The following LNPK variants were observed in gnomAD, a reference collection of about 807,000 sequenced individuals.
The protein encoded by LNPK is lunapark, ER junction formation factor.
A neutral mutation model predicts 55.2 loss-of-function variants in LNPK; 29 were observed. The ratio of observed to expected loss-of-function variants is 0.53; its 90% CI spans 0.39 to 0.72. LNPK has a LOEUF of 0.72. Among genes scored for constraint, LNPK ranks in the 30% least tolerant of loss-of-function variants. LNPK has a pLI of 0.00. For missense variants in LNPK, 467 were observed against 494.8 expected (o/e 0.94, Z 0.53); for synonymous variants, 162 against 168.2 (o/e 0.96, Z 0.29).
At chr2:175,945,087 C>T (rs1185888148) in intron 9 of LNPK, among the ~76,000 whole-genome samples, 4 of 151,624 alleles carry the variant, frequency 2.6e-5, no homozygotes, top group Non-Finnish European at 4.4e-5. Context: ...TTAGTAGAGA[C>T]GAGGTTTCAC....
At position 175,938,098 on chromosome 2, in the gene LNPK, G is replaced by C. The variant is rs191272064; in HGVS notation, c.883+215C>G. On this transcript the variant is annotated intron_variant, in intron 11 of 12. Coordinates refer to ENST00000272748, the MANE Select transcript of LNPK (RefSeq NM_030650.3). Reference sequence around the variant, plus strand: ...CTTTGGGTGATTGTGATGCACAGTGGGGTTTGAGAACAACTGGCCTAGGGG... The same window carrying C: ...CTTTGGGTGATTGTGATGCACAGTGCGGTTTGAGAACAACTGGCCTAGGGG... Among the ~76,000 whole-genome samples the C allele has an allele frequency of 5.7e-3, 860 of 152,126 alleles. 9 individuals are homozygous for C. Among genetic ancestry groups the C allele is most frequent in the African/African-American group, 0.019 (809 of 41,522 alleles).
At chr2:175,947,750 CACAA>C (rs1393266452) in intron 8 of LNPK, 58 bp from the exon 9 acceptor site, 2 of 1,197,872 alleles carry the variant, frequency 1.7e-6, no homozygotes, top group Non-Finnish European at 2.3e-6. Context: ...TAGCCAGTAT[CACAA>C]ACAATTTATA....
At position 175,992,336 on chromosome 2, in the gene LNPK, G is replaced by A. The variant is rs1436632461; in HGVS notation, c.152C>T (p.Ser51Leu). ...TAAGCATGTAAACAGATAGAGAACT[G>A]AGGAATACAGAATTAATCTTCCAAC... The part of the protein sequence containing the change: ...LWVGRLILYS[S>L]VLYLFTCLIV... Residue 51 changes from serine (S) to leucine (L), a missense_variant, in exon 4 of 13, where the codon TCA (serine) becomes TTA (leucine). Coordinates refer to ENST00000272748, the MANE Select transcript of LNPK (RefSeq NM_030650.3). The A allele has an allele frequency of 6.4e-7, 1 of 1,554,070 alleles. No homozygotes were observed. The highest frequency in any genetic ancestry group is 2.5e-5 in the East Asian group (1 of 39,694).
At chr2:175,983,756 A>C (rs1687283543) in intron 4 of LNPK, among the ~76,000 whole-genome samples, 1 of 152,108 alleles carries the variant, frequency 6.6e-6, no homozygotes, top group South Asian at 2.1e-4. Flanking sequence ...CAATGGTTAA[A>C]CTTTTTTTAA....
intron 5 of LNPK, among the ~76,000 whole-genome samples, chr2:175,972,043 C>T (rs1416317560): frequency 1.3e-5 from 2 of 152,040 alleles, no homozygotes; most frequent in African/African-American, 4.8e-5. Context: ...CTCAGTCTCC[C>T]AAGCTGGAAT....
intron 8 of LNPK, among the ~76,000 whole-genome samples, chr2:175,956,389 C>T (rs1040867953): frequency 2.6e-5 from 4 of 151,834 alleles, no homozygotes; most frequent in Non-Finnish European, 5.9e-5. Flanking sequence ...TATAACTTTG[C>T]AACCAGAAAT....
intron 5 of LNPK, among the ~76,000 whole-genome samples, chr2:175,974,699 TAAAAC>T (rs1686822502): frequency 6.6e-6 from 1 of 151,992 alleles, no homozygotes; most frequent in Non-Finnish European, 1.5e-5. Context: ...GTCCAACTTG[TAAAAC>T]AAAACAAGTA....
intron 9 of LNPK, among the ~76,000 whole-genome samples, chr2:175,943,367 G>C (rs78899073): frequency 1.5e-3 from 222 of 151,876 alleles, no homozygotes; most frequent in African/African-American, 4.9e-3. Flanking sequence ...GAATTGAATA[G>C]GGAATACTTA....
chr2:175,962,305 AC>A (rs772904738), intron 8 of LNPK, among the ~76,000 whole-genome samples: 3 of 152,196 alleles, frequency 2.0e-5, no homozygotes, highest in Non-Finnish European at 2.9e-5. Flanking sequence ...TTCAAACTAT[AC>A]TACAAGGCTA....
At chr2:175,978,824 G>C (rs1044359647) in intron 5 of LNPK, among the ~76,000 whole-genome samples, 1 of 152,064 alleles carries the variant, frequency 6.6e-6, no homozygotes, top group African/African-American at 2.4e-5. Context: ...ATTTAAAGAG[G>C]GTAGGCTTTG....
At chr2:175,949,281 T>C (rs188535938) in intron 8 of LNPK, among the ~76,000 whole-genome samples, 66 of 152,224 alleles carry the variant, frequency 4.3e-4, no homozygotes, top group Middle Eastern at 3.4e-3. Flanking sequence ...CGTCTGCAAA[T>C]TAGCTGCTAA....
chr2:175,941,831 G>T (rs1344674127), intron 9 of LNPK, among the ~76,000 whole-genome samples: 305 of 89,698 alleles, frequency 3.4e-3, no homozygotes, highest in African/African-American at 0.013. Context: ...AAGAGAGAGA[G>T]AAATCTTAAA....
intron 9 of LNPK, chr2:175,941,084 CA>C (rs544134783): frequency 1.4e-3 from 516 of 374,596 alleles, no homozygotes; most frequent in East Asian, 2.1e-3. Context: ...CCCATCTCTA[CA>C]AAAAAAAATA....
chr2:175,962,145 T>G (rs1200602495), intron 8 of LNPK, among the ~76,000 whole-genome samples: 1 of 152,164 alleles, frequency 6.6e-6, no homozygotes, highest in Non-Finnish European at 1.5e-5. Flanking sequence ...AATTTATAGA[T>G]TCAATGCCAT....
chr2:175,997,543 T>C (rs1687985457), intron 1 of LNPK, among the ~76,000 whole-genome samples: 2 of 152,150 alleles, frequency 1.3e-5, no homozygotes, highest in African/African-American at 2.4e-5. Context: ...CCAACCTACA[T>C]ATTTTGGTTT....
chr2:175,929,812 A>G lies in LNPK; in HGVS notation c.*155T>C, dbSNP rs1020421767. On this transcript the variant is annotated 3_prime_UTR_variant, in exon 13 of 13. Transcript: ENST00000272748. ...CTTTTAATTTTAATACCCAGTATAT[A>G]TAACTTTGAGATGTTCAAATAGCTA... 2.1e-6 allele frequency: 3 copies of G among 1,447,990 alleles called. No individual in the cohort carries two copies. The highest frequency in any genetic ancestry group is 1.8e-6 in the Non-Finnish European group (2 of 1,103,788). The allele number at this position is 1,447,990 out of a possible 1,614,324, so 89.7% of individuals were successfully genotyped here. A position where few individuals can be genotyped will look rare whatever the true frequency, so the allele number is the denominator to read the frequency against.
chr2:175,952,644 C>G (rs76692105), intron 8 of LNPK, among the ~76,000 whole-genome samples: 1 of 149,222 alleles, frequency 6.7e-6, no homozygotes, highest in African/African-American at 2.4e-5. Context: ...CTTTTTATTG[C>G]TAAAAAATGA....
In LNPK at chr2:175,929,597, A is replaced by T. The variant is rs1684164678; in HGVS notation, c.*370T>A. The T allele has an allele frequency of 6.9e-6, 7 of 1,013,084 alleles. No homozygotes were observed. Among genetic ancestry groups the T allele is most frequent in the Non-Finnish European group, 8.3e-6 (7 of 847,524 alleles). 62.8% of individuals were successfully genotyped at this position (1,013,084 alleles called of 1,614,324 possible). The stretch of plus-strand genomic sequence containing the variant: ...AAGTTTCATTCCTTAAAACAAACAC[A>T]ATTAGAGAACTTACTCTTAACCAAA... On this transcript the variant is annotated 3_prime_UTR_variant, in exon 13 of 13. Coordinates refer to ENST00000272748, the MANE Select transcript of LNPK (RefSeq NM_030650.3).
At chr2:175,941,652 G>A (rs1000967386) in intron 9 of LNPK, among the ~76,000 whole-genome samples, 14 of 151,638 alleles carry the variant, frequency 9.2e-5, no homozygotes, top group African/African-American at 1.2e-4. Flanking sequence ...TTGGCTGGGC[G>A]TGGTGGCACG....
Sources: gnomAD v4.1 joint callset for allele counts (sites outside exome capture counted in the v4.1 genomes callset) on GRCh38, gnomAD v4.1.1 for gene constraint, MANE v1.5 for transcripts, NCBI Gene and HGNC (gene_info 2026-07-23, HGNC 2026-07-21) for gene names.